COL19A1: variants seen among roughly 807,000 people sequenced by gnomAD.
COL19A1 encodes collagen type XIX alpha 1 chain.
COL19A1 carries 159 observed loss-of-function variants against 190.2 expected under a neutral mutation model. The observed-to-expected ratio is 0.84, with a 90% CI of 0.73 to 0.95. The LOEUF (loss-of-function observed/expected upper bound fraction) is 0.95. Ranked by LOEUF, COL19A1 falls within the 40% of genes least tolerant of loss-of-function variation. The pLI is 0.00. For synonymous variants in COL19A1, 509 were observed against 458.9 expected (o/e 1.11, Z -1.39); for missense variants, 1,418 against 1,431.9 (o/e 0.99, Z 0.16).
chr6:70,008,693 A>G (rs1459232863), intron 11 of COL19A1, among the ~76,000 whole-genome samples: 2 of 151,924 alleles, frequency 1.3e-5, no homozygotes, highest in East Asian at 3.9e-4. Context: ...TATGAGGCCA[A>G]TATTACTCTG....
chr6:70,111,538 A>C (rs1784286250), intron 16 of COL19A1, among the ~76,000 whole-genome samples: 1 of 152,180 alleles, frequency 6.6e-6, no homozygotes, highest in Non-Finnish European at 1.5e-5. Context: ...GCATGCTTAG[A>C]ATAGTTCAAA....
chr6:70,064,245 C>G (rs567873155), intron 14 of COL19A1, among the ~76,000 whole-genome samples: 1 of 152,070 alleles, frequency 6.6e-6, no homozygotes, highest in Non-Finnish European at 1.5e-5. Flanking sequence ...ACTGGAAAAC[C>G]GAATCCAGCA....
At chr6:70,165,343 G>A (rs535399365) in intron 36 of COL19A1, among the ~76,000 whole-genome samples, 32 of 152,256 alleles carry the variant, frequency 2.1e-4, no homozygotes, top group African/African-American at 7.2e-4. Context: ...AAATTGTAGT[G>A]ACTATTTGCT....
At chr6:70,118,603 A>G (rs1784715791) in intron 16 of COL19A1, among the ~76,000 whole-genome samples, 1 of 152,236 alleles carries the variant, frequency 6.6e-6, no homozygotes, top group South Asian at 2.1e-4. Context: ...ATGTCATCAT[A>G]AATACTCATG....
chr6:70,184,649 T>A, intron 44 of COL19A1, 54 bp from the exon 45 acceptor site: 1 of 1,378,250 alleles, frequency 7.3e-7, no homozygotes. Flanking sequence ...GCTTTTGTTG[T>A]GTTTAACTAT....
In COL19A1 at chr6:69,919,829, TCA is replaced by T. The variant is rs1286056550; in HGVS notation, c.267-8079_267-8078del. 2.0e-5 allele frequency among the ~76,000 whole-genome samples: 3 copies of T among 152,292 alleles called. No individual in the cohort carries two copies. In the East Asian group the frequency reaches 5.8e-4, roughly 29 times the overall value. ...TTGTTTTGCTTTTTCTCCTAATGCT[TCA>T]GTGATTTACTTATTATAAAGGCTAT... On this transcript the variant is annotated intron_variant, in intron 4 of 50. Transcript: ENST00000620364.
intron 11 of COL19A1, among the ~76,000 whole-genome samples, chr6:69,978,212 G>A (rs116548785): frequency 0.013 from 1,943 of 152,124 alleles, 44 homozygotes; most frequent in African/African-American, 0.038. Flanking sequence ...TATAGCTGTT[G>A]CCAGATACAC....
At chr6:69,942,732 TTGTGTGTATGTG>T (rs1421115164) in intron 9 of COL19A1, among the ~76,000 whole-genome samples, 3 of 123,440 alleles carry the variant, frequency 2.4e-5, no homozygotes, top group African/African-American at 1.0e-4. Flanking sequence ...TGTCATTCCA[TTGTGTGTATGTG>T]TGTGTGTGTG....
At chr6:69,960,068 A>C (rs780635269) in intron 10 of COL19A1, 28 bp downstream of exon 10, 7 of 1,598,568 alleles carry the variant, frequency 4.4e-6, no homozygotes, top group South Asian at 1.1e-5. Context: ...GTTTCATCTG[A>C]GTTAAGAATT....
chr6:69,948,705 TA>T (rs1454551672), intron 9 of COL19A1, among the ~76,000 whole-genome samples: 5 of 151,974 alleles, frequency 3.3e-5, no homozygotes, highest in African/African-American at 1.2e-4. Flanking sequence ...AGCAAGTCAG[TA>T]TTTCAGAGAC....
intron 12 of COL19A1, among the ~76,000 whole-genome samples, chr6:70,025,879 A>G (rs1026932238): frequency 2.6e-5 from 4 of 152,364 alleles, no homozygotes; most frequent in Middle Eastern, 3.4e-3. Context: ...GGTAAAATAC[A>G]TATGATTTGG....
chr6:70,121,730 G>T (rs1048025589), intron 16 of COL19A1, 150 bp from the exon 17 acceptor site: 4 of 542,268 alleles, frequency 7.4e-6, no homozygotes, highest in Non-Finnish European at 1.3e-5. Flanking sequence ...GTTAATGCCC[G>T]TGTATTTCTC....
At chr6:70,025,717 T>C (rs909060706) in intron 12 of COL19A1, among the ~76,000 whole-genome samples, 1 of 152,238 alleles carries the variant, frequency 6.6e-6, no homozygotes, top group South Asian at 2.1e-4. Context: ...ACTTAGCACA[T>C]GTTTGGGGTA....
chr6:70,010,511 C>T (rs1030054811), intron 11 of COL19A1, among the ~76,000 whole-genome samples: 1 of 142,214 alleles, frequency 7.0e-6, no homozygotes, highest in Non-Finnish European at 1.5e-5. Flanking sequence ...GCGCACCGTG[C>T]GCGAGCGGAA....
intron 12 of COL19A1, among the ~76,000 whole-genome samples, chr6:70,025,758 T>C (rs1337580280): frequency 1.3e-5 from 2 of 152,216 alleles, no homozygotes; most frequent in East Asian, 3.8e-4. Context: ...TGAATGTTAG[T>C]TTGAAAAACT....
chr6:69,970,183 T>C (rs1320156751), intron 11 of COL19A1, among the ~76,000 whole-genome samples: 2 of 152,192 alleles, frequency 1.3e-5, no homozygotes, highest in African/African-American at 4.8e-5. Context: ...TAAAATTTTA[T>C]TTTAAATTAA....
At chr6:70,003,153 C>T (rs1777378180) in intron 11 of COL19A1, among the ~76,000 whole-genome samples, 1 of 152,168 alleles carries the variant, frequency 6.6e-6, no homozygotes, top group Non-Finnish European at 1.5e-5. Context: ...AGAAGTCATT[C>T]AGAGGAGGTT....
chr6:69,883,162 G>A (rs1194946429), intron 2 of COL19A1, among the ~76,000 whole-genome samples: 1 of 152,236 alleles, frequency 6.6e-6, no homozygotes, highest in East Asian at 1.9e-4. Flanking sequence ...TTGGCATGTG[G>A]AAGAAATAGC....
At chr6:70,139,660 T>A (rs1786114310) in intron 19 of COL19A1, among the ~76,000 whole-genome samples, 1 of 152,062 alleles carries the variant, frequency 6.6e-6, no homozygotes, top group South Asian at 2.1e-4. Context: ...AAGAGTAGTA[T>A]TCATTCAAAG....
Sources: allele counts gnomAD v4.1 joint callset (sites outside exome capture counted in the v4.1 genomes callset), GRCh38; gene constraint gnomAD v4.1.1; transcripts MANE v1.5; gene names NCBI Gene and HGNC (gene_info 2026-07-23, HGNC 2026-07-21).